The following STPG2 variants were observed in gnomAD, a reference collection of about 807,000 sequenced individuals.
The protein encoded by STPG2 is sperm-tail PG-rich repeat-containing protein 2.
Under a neutral mutation model 54.2 loss-of-function variants are expected in STPG2, and 56 were observed. That is an observed-to-expected ratio of 1.03 (90% CI 0.83 to 1.29). STPG2 has a LOEUF of 1.29. Among genes scored for constraint, STPG2 ranks in the 50% most tolerant of loss-of-function variants. The probability of loss-of-function intolerance (pLI) is 0.00; values close to 1 mark genes in which losing one functional copy is unlikely to be tolerated. For synonymous variants in STPG2, 200 were observed against 181.8 expected (o/e 1.10, Z -0.81); for missense variants, 596 against 544.9 (o/e 1.09, Z -0.93).
At chr4:97,861,312 A>C (rs768398532) in intron 8 of STPG2, among the ~76,000 whole-genome samples, 5 of 152,206 alleles carry the variant, frequency 3.3e-5, no homozygotes, top group Admixed American at 6.6e-5. Context: ...AACCCAATTA[A>C]AATGGCTTTT....
At position 97,719,568 on chromosome 4, in the gene STPG2, C is replaced by A. The variant is rs980860159; in HGVS notation, c.1205-6754G>T. On this transcript the variant is annotated intron_variant, in intron 9 of 10. Transcript: ENST00000295268. ...AATATTTATACTTTAAATCAGTTTT[C>A]TCTCAAATAATCTTGGTAACCAGTG... is the stretch of plus-strand genomic sequence containing the variant. 2.6e-5 allele frequency among the ~76,000 whole-genome samples: 4 copies of A among 151,996 alleles called. No homozygotes were observed. The East Asian group carries it at 7.7e-4, about 29-fold the overall frequency.
intron 9 of STPG2, among the ~76,000 whole-genome samples, chr4:97,793,629 A>G (rs779350557): frequency 1.1e-4 from 17 of 151,990 alleles, no homozygotes; most frequent in Non-Finnish European, 2.4e-4. Context: ...GAATGCAAAA[A>G]GAAACAATAA....
chr4:97,487,034 G>A (rs1730382896), intron 4 of STPG2, among the ~76,000 whole-genome samples: 1 of 151,470 alleles, frequency 6.6e-6, no homozygotes, highest in African/African-American at 2.4e-5. Flanking sequence ...TGACATGTGG[G>A]AGCTAAGCTA....
intron 4 of STPG2, among the ~76,000 whole-genome samples, chr4:97,505,317 C>A (rs1254284034): frequency 6.6e-6 from 1 of 151,844 alleles, no homozygotes; most frequent in Non-Finnish European, 1.5e-5. Flanking sequence ...TTACTATTGT[C>A]CCAATAATGA....
chr4:97,973,429 G>T (rs1223204995), intron 6 of STPG2, among the ~76,000 whole-genome samples: 1 of 152,170 alleles, frequency 6.6e-6, no homozygotes, highest in Non-Finnish European at 1.5e-5. Flanking sequence ...TATAAGGAAA[G>T]CAGAGCATAA....
chr4:97,552,138 A>C (rs916569538), intron 4 of STPG2, among the ~76,000 whole-genome samples: 9 of 152,166 alleles, frequency 5.9e-5, no homozygotes, highest in African/African-American at 1.9e-4. Flanking sequence ...CCAATATTCA[A>C]ATCAAGACAG....
chr4:97,806,178 A>G (rs1232658332), intron 9 of STPG2, among the ~76,000 whole-genome samples: 14 of 152,252 alleles, frequency 9.2e-5, no homozygotes, highest in Admixed American at 8.5e-4. Flanking sequence ...ATGGAATACT[A>G]TGCAGCCATA....
chr4:97,988,969 A>T (rs903231514), intron 5 of STPG2, among the ~76,000 whole-genome samples: 1 of 152,166 alleles, frequency 6.6e-6, no homozygotes, highest in African/African-American at 2.4e-5. Flanking sequence ...TTAAACTGAT[A>T]ATAATTTGAA....
At chr4:97,518,221 C>T (rs1007700921) in intron 4 of STPG2, among the ~76,000 whole-genome samples, 5 of 152,006 alleles carry the variant, frequency 3.3e-5, no homozygotes, top group Non-Finnish European at 5.9e-5. Flanking sequence ...CAAAGTTAAG[C>T]AAGGTGACAA....
intron 9 of STPG2, among the ~76,000 whole-genome samples, chr4:97,781,898 A>T (rs1042141449): frequency 6.6e-6 from 1 of 152,060 alleles, no homozygotes; most frequent in African/African-American, 2.4e-5. Flanking sequence ...CATGCTAAAA[A>T]CTCTCAAGAA....
At chr4:97,622,546 A>G (rs1272191092) in intron 10 of STPG2, among the ~76,000 whole-genome samples, 1 of 152,210 alleles carries the variant, frequency 6.6e-6, no homozygotes, top group Non-Finnish European at 1.5e-5. Flanking sequence ...ATATCTAGGA[A>G]TACAGCTAAC....
intron 10 of STPG2, among the ~76,000 whole-genome samples, chr4:97,709,407 C>T (rs1036913715): frequency 6.6e-6 from 1 of 151,466 alleles, no homozygotes; most frequent in Non-Finnish European, 1.5e-5. Context: ...CTACCCAATT[C>T]TGCTATTAAA....
chr4:97,508,419 TC>T (rs1459938377), intron 4 of STPG2, among the ~76,000 whole-genome samples: 2 of 152,064 alleles, frequency 1.3e-5, no homozygotes, highest in Non-Finnish European at 2.9e-5. Flanking sequence ...TTATTCACTA[TC>T]TTTGAATATA....
chr4:97,770,540 T>C (rs1278528918), intron 9 of STPG2, among the ~76,000 whole-genome samples: 1 of 152,174 alleles, frequency 6.6e-6, no homozygotes, highest in African/African-American at 2.4e-5. Context: ...CAAGATTGCA[T>C]GCTATTAGAG....
At chr4:98,141,363 A>G (rs1740276133) in intron 1 of STPG2, among the ~76,000 whole-genome samples, 1 of 152,156 alleles carries the variant, frequency 6.6e-6, no homozygotes, top group Admixed American at 6.5e-5. Flanking sequence ...ATCAACTAAG[A>G]GCCAGGCACT....
At chr4:98,005,806 T>G (rs1735560656) in intron 5 of STPG2, among the ~76,000 whole-genome samples, 1 of 152,224 alleles carries the variant, frequency 6.6e-6, no homozygotes, top group African/African-American at 2.4e-5. Flanking sequence ...TCTCTGTTCA[T>G]CAGAAATGTT....
At chr4:98,057,202 G>A (rs1202346625) in intron 5 of STPG2, among the ~76,000 whole-genome samples, 2 of 152,150 alleles carry the variant, frequency 1.3e-5, no homozygotes, top group Admixed American at 1.3e-4. Context: ...CCAAGCTGAG[G>A]CTAAGATGGC....
chr4:97,918,493 C>T (rs1166100494), intron 8 of STPG2, among the ~76,000 whole-genome samples: 3 of 151,896 alleles, frequency 2.0e-5, no homozygotes, highest in Non-Finnish European at 2.9e-5. Context: ...CATGCTGATC[C>T]ATAGGTCCAT....
chr4:97,541,181 T>C (rs984073652), intron 4 of STPG2, among the ~76,000 whole-genome samples: 8 of 152,046 alleles, frequency 5.3e-5, no homozygotes, highest in Non-Finnish European at 1.0e-4. Flanking sequence ...AGTCAAATTG[T>C]CCCTGTTTGC....
Sources: gnomAD v4.1 joint callset for allele counts (sites outside exome capture counted in the v4.1 genomes callset) on GRCh38, gnomAD v4.1.1 for gene constraint, MANE v1.5 for transcripts, NCBI Gene and HGNC (gene_info 2026-07-23, HGNC 2026-07-21) for gene names.